Variants in NEGR1 observed in about 807,000 individuals in gnomAD.
NEGR1 encodes the protein neuronal growth regulator 1.
NEGR1 carries 10 observed loss-of-function variants against 40.9 expected under a neutral mutation model. That is an observed-to-expected ratio of 0.24 (90% confidence interval 0.15 to 0.42). NEGR1 has a LOEUF of 0.42. NEGR1 is among the 10% of genes least tolerant of loss of function. The probability of loss-of-function intolerance (pLI) is 1.00; values close to 1 mark genes in which losing one functional copy is unlikely to be tolerated. For synonymous variants in NEGR1, 185 were observed against 166.8 expected (o/e 1.11, Z -0.84); for missense variants, 352 against 438.9 (o/e 0.80, Z 1.77).
At chr1:71,907,694 T>C (rs1661315042) in intron 2 of NEGR1, among the ~76,000 whole-genome samples, 1 of 152,164 alleles carries the variant, frequency 6.6e-6, no homozygotes, top group African/African-American at 2.4e-5. Flanking sequence ...AAAATATGCA[T>C]GAAGTTGTAC....
intron 2 of NEGR1, among the ~76,000 whole-genome samples, chr1:71,819,540 A>C (rs1382786199): frequency 6.6e-6 from 1 of 151,984 alleles, no homozygotes; most frequent in Non-Finnish European, 1.5e-5. Context: ...TAAAAATTGA[A>C]AGGAAGAATT....
chr1:71,577,663 G>T (rs2101500530), intron 6 of NEGR1, among the ~76,000 whole-genome samples: 1 of 152,194 alleles, frequency 6.6e-6, no homozygotes, highest in Non-Finnish European at 1.5e-5. Flanking sequence ...CATCTATGTG[G>T]TAATCAGACC....
chr1:71,873,773 T>A (rs1345397716), intron 2 of NEGR1, among the ~76,000 whole-genome samples: 4 of 152,164 alleles, frequency 2.6e-5, no homozygotes, highest in Admixed American at 2.6e-4. Flanking sequence ...ACTGTAATAG[T>A]TCACATTCAT....
intron 2 of NEGR1, among the ~76,000 whole-genome samples, chr1:71,869,538 G>A (rs1043140833): frequency 6.6e-6 from 1 of 152,082 alleles, no homozygotes; most frequent in Non-Finnish European, 1.5e-5. Flanking sequence ...TTAATGTGAT[G>A]GATACTGATT....
At chr1:72,273,674 T>C (rs895760613) in intron 1 of NEGR1, among the ~76,000 whole-genome samples, 1 of 151,996 alleles carries the variant, frequency 6.6e-6, no homozygotes, top group South Asian at 2.1e-4. Context: ...TATATTTTAG[T>C]ACATTTTATT....
At chr1:71,797,233 C>T (rs556816299) in intron 2 of NEGR1, among the ~76,000 whole-genome samples, 1 of 152,212 alleles carries the variant, frequency 6.6e-6, no homozygotes, top group Non-Finnish European at 1.5e-5. Context: ...AATTATTAAC[C>T]TAATTCTAAG....
In NEGR1 at chr1:71,994,141, A is replaced by G. The variant is rs1158684769; in HGVS notation, c.177-58830T>C. 2.0e-5 allele frequency among the ~76,000 whole-genome samples: 3 copies of G among 152,182 alleles called. No individual in the cohort carries two copies. In the East Asian group the frequency reaches 5.8e-4, roughly 29 times the overall value. ...TTCCCAAATGTCAATTACTTCCCAA[A>G]TGGCAGCCTTCTGATTTGCTATTGT... is the stretch of plus-strand genomic sequence containing the variant. On this transcript the variant is annotated intron_variant, in intron 1 of 6. Transcript: ENST00000357731.
chr1:71,607,605 G>C (rs1650110790), intron 5 of NEGR1, among the ~76,000 whole-genome samples: 1 of 152,346 alleles, frequency 6.6e-6, no homozygotes, highest in South Asian at 2.1e-4. Flanking sequence ...TGTTATAAGA[G>C]TAAAATGGGT....
chr1:71,996,767 T>C (rs1034783781), intron 1 of NEGR1, among the ~76,000 whole-genome samples: 11 of 152,092 alleles, frequency 7.2e-5, no homozygotes, highest in African/African-American at 2.7e-4. Flanking sequence ...TGATCTTTGC[T>C]TTCGAGAACT....
At chr1:71,775,237 T>C (rs1462702770) in intron 3 of NEGR1, among the ~76,000 whole-genome samples, 6 of 152,202 alleles carry the variant, frequency 3.9e-5, no homozygotes, top group Non-Finnish European at 4.4e-5. Flanking sequence ...ATTTGAGCCT[T>C]TTGTCTATTG....
intron 6 of NEGR1, among the ~76,000 whole-genome samples, chr1:71,473,296 G>A (rs1646795763): frequency 6.6e-6 from 1 of 152,062 alleles, no homozygotes. Flanking sequence ...AAAGCTAACA[G>A]AAATAGGGCA....
chr1:71,693,451 A>C (rs1176000761), intron 4 of NEGR1, among the ~76,000 whole-genome samples: 1 of 151,716 alleles, frequency 6.6e-6, no homozygotes, highest in Non-Finnish European at 1.5e-5. Context: ...ACATCAGTAC[A>C]TCAGTGTACA....
rs538849612 is a variant in NEGR1, at chr1:71,616,528, TC to T, written c.668-5383del. Among the ~76,000 whole-genome samples the T allele has an allele frequency of 6.0e-3, 921 of 152,298 alleles. 18 individuals are homozygous for T. The highest frequency in any genetic ancestry group is 0.021 in the African/African-American group (856 of 41,560). ...TAAATCAATTGCTTGCAGACTCATA[TC>T]AAAACCCTATCAGTGAGTGGCAAGC... On this transcript the variant is annotated intron_variant, in intron 4 of 6. Transcript: ENST00000357731.
chr1:71,466,087 A>G lies in NEGR1; in HGVS notation c.941-58517T>C, dbSNP rs556843451. Among the ~76,000 whole-genome samples the G allele has an allele frequency of 2.6e-4, 39 of 152,114 alleles. 1 individual carries two copies. In the South Asian group the frequency reaches 8.1e-3, roughly 32 times the overall value. ...GTGTGACCACTTAAATTATTTGAAT[A>G]GCAGCCCCCTCACCTGCAAAATGGT... On this transcript the variant is annotated intron_variant, in intron 6 of 6. Transcript: ENST00000357731.
intron 1 of NEGR1, among the ~76,000 whole-genome samples, chr1:72,102,415 G>C (rs1215533768): frequency 1.3e-5 from 2 of 151,768 alleles, no homozygotes; most frequent in African/African-American, 4.8e-5. Context: ...CTGTAGTTTT[G>C]CTATTTTACA....
chr1:71,725,947 A>C (rs1654659895), intron 3 of NEGR1, among the ~76,000 whole-genome samples: 1 of 152,132 alleles, frequency 6.6e-6, no homozygotes, highest in Non-Finnish European at 1.5e-5. Flanking sequence ...GTCTCTGATC[A>C]ATCTGGTTAA....
chr1:72,216,390 TATATATATATAC>T (rs950463058), intron 1 of NEGR1, among the ~76,000 whole-genome samples: 3 of 136,356 alleles, frequency 2.2e-5, no homozygotes, highest in African/African-American at 8.6e-5. Flanking sequence ...TATACATATA[TATATATATATAC>T]ATATATATAT....
intron 1 of NEGR1, among the ~76,000 whole-genome samples, chr1:72,199,796 A>G (rs1653136089): frequency 6.6e-6 from 1 of 151,994 alleles, no homozygotes; most frequent in African/African-American, 2.4e-5. Flanking sequence ...CAAATGTCTA[A>G]TACCAAAAAT....
intron 2 of NEGR1, among the ~76,000 whole-genome samples, chr1:71,917,995 A>C (rs1159165661): frequency 6.6e-6 from 1 of 150,714 alleles, no homozygotes; most frequent in African/African-American, 2.4e-5. Flanking sequence ...AGGCGGGCGG[A>C]TCACAAGGTC....
Sources: allele counts gnomAD v4.1 joint callset (sites outside exome capture counted in the v4.1 genomes callset), GRCh38; gene constraint gnomAD v4.1.1; transcripts MANE v1.5; gene names NCBI Gene and HGNC (gene_info 2026-07-23, HGNC 2026-07-21).